Variants in CACNA1A observed in about 807,000 individuals in gnomAD.
CACNA1A encodes the protein calcium voltage-gated channel subunit alpha1 A, also known as voltage-dependent P/Q-type calcium channel subunit alpha-1A.
CACNA1A carries 57 observed loss-of-function variants against 262.4 expected under a neutral mutation model. That is an observed-to-expected ratio of 0.22 (90% CI 0.18 to 0.27). The LOEUF is 0.27. Among genes scored for constraint, CACNA1A ranks in the 10% least tolerant of loss-of-function variants. The pLI, the probability that CACNA1A is intolerant of heterozygous loss-of-function variation, is 1.00. For synonymous variants in CACNA1A, 1,431 were observed against 1,419.3 expected, an observed-to-expected ratio of 1.01 and a Z score of -0.18; for missense variants, 2,526 against 3,562.8, an observed-to-expected ratio of 0.71 and a Z score of 7.41.
At chr19:13,476,461 A>G (rs1428875969) in intron 1 of CACNA1A, among the ~76,000 whole-genome samples, 1 of 152,176 alleles carries the variant, frequency 6.6e-6, no homozygotes, top group Non-Finnish European at 1.5e-5. Flanking sequence ...TCTGTGCATG[A>G]ATGCATTGAG....
At chr19:13,486,199 T>C (rs1435879681) in intron 1 of CACNA1A, among the ~76,000 whole-genome samples, 4 of 152,194 alleles carry the variant, frequency 2.6e-5, no homozygotes, top group South Asian at 4.1e-4. Flanking sequence ...CAATCTCCAA[T>C]AGTGGTTCCT....
intron 23 of CACNA1A, 90 bp from the exon 24 acceptor site, chr19:13,276,046 C>CT: frequency 2.5e-6 from 2 of 788,082 alleles, no homozygotes; most frequent in Non-Finnish European, 4.2e-6. Flanking sequence ...CGGGGAGAGG[C>CT]AGGGAAGCCA....
chr19:13,281,771 C>T lies in CACNA1A; in HGVS notation c.3822+1496G>A, dbSNP rs532260142. 3.3e-5 allele frequency among the ~76,000 whole-genome samples: 5 copies of T among 152,320 alleles called. No homozygotes were observed. In the South Asian group the frequency reaches 1.0e-3, roughly 32 times the overall value. On this transcript the variant is annotated intron_variant, in intron 22 of 46. Coordinates refer to ENST00000360228, the MANE Select transcript of CACNA1A (RefSeq NM_001127222.2). ...TTACGTGGTGTGAACGTTATGGGGCCACAGTGTTCTTGTAGAGAAGTTTCG... is the reference window on the plus strand; with the variant it reads ...TTACGTGGTGTGAACGTTATGGGGCTACAGTGTTCTTGTAGAGAAGTTTCG...
chr19:13,247,840 GC>G (rs2056290402), intron 30 of CACNA1A, among the ~76,000 whole-genome samples: 1 of 152,168 alleles, frequency 6.6e-6, no homozygotes, highest in Non-Finnish European at 1.5e-5. Flanking sequence ...ACACTACTTT[GC>G]CCAGGGTCTC....
rs766668908 is a variant in CACNA1A, at chr19:13,299,131, G to A, written c.2502C>T (p.Asn834=). 1.2e-6 allele frequency: 2 copies of A among 1,613,000 alleles called. No individual in the cohort carries two copies. The highest frequency in any genetic ancestry group is 1.1e-5 in the South Asian group (1 of 91,080). ...VVDPQENRNN[N]TNKSRAAEPT... ...GCTCGGCCGCCCGGCTCTTGTTGGT[G>A]TTGTTGTTGCGGTTCTCCTGCGGGT... Residue 834 remains asparagine (N), a synonymous_variant, in exon 19 of 47, where the codon AAC becomes AAT. Coordinates refer to ENST00000360228, the MANE Select transcript of CACNA1A (RefSeq NM_001127222.2).
chr19:13,331,246 C>CT (rs1297035047), intron 9 of CACNA1A, among the ~76,000 whole-genome samples: 1 of 151,920 alleles, frequency 6.6e-6, no homozygotes, highest in East Asian at 1.9e-4. Flanking sequence ...AGCTTTCTTT[C>CT]TTTTTTTTGA....
intron 3 of CACNA1A, among the ~76,000 whole-genome samples, chr19:13,441,057 C>G (rs1304927685): frequency 6.6e-6 from 1 of 152,202 alleles, no homozygotes; most frequent in East Asian, 1.9e-4. Context: ...AAGCGATTCA[C>G]CCACCTTGGC....
At chr19:13,383,145 T>C (rs986828151) in intron 3 of CACNA1A, among the ~76,000 whole-genome samples, 1 of 152,202 alleles carries the variant, frequency 6.6e-6, no homozygotes, top group African/African-American at 2.4e-5. Context: ...GCACGTACTA[T>C]GTGCCAGATA....
At position 13,206,987 on chromosome 19, in the gene CACNA1A, G is replaced by GTTCTCCA. The variant is rs1228306808; in HGVS notation, c.*319_*325dup. On this transcript the variant is annotated 3_prime_UTR_variant, in exon 47 of 47. Transcript: ENST00000360228. The stretch of plus-strand genomic sequence containing the variant: ...TTTTTTTTTTTTCATGTTCCCCAAA[G>GTTCTCCA]TTCTCCAAAAATGGCTGAGTTAATT... 7.7e-5 allele frequency: 7 copies of GTTCTCCA among 90,412 alleles called. No individual in the cohort carries two copies. The highest frequency in any genetic ancestry group is 3.1e-4 in the African/African-American group (7 of 22,398). 5.6% of individuals were successfully genotyped at this position (90,412 alleles called of 1,614,324 possible). A position where few individuals can be genotyped will look rare whatever the true frequency, so the allele number is the denominator to read the frequency against.
chr19:13,237,845 C>T (rs2055927751), intron 31 of CACNA1A, among the ~76,000 whole-genome samples: 2 of 152,202 alleles, frequency 1.3e-5, no homozygotes, highest in Admixed American at 6.5e-5. Context: ...AGCCCCCTCC[C>T]GTTCAACCCC....
At chr19:13,311,101 T>C (rs898226261) in intron 12 of CACNA1A, among the ~76,000 whole-genome samples, 3 of 152,114 alleles carry the variant, frequency 2.0e-5, no homozygotes, top group African/African-American at 7.2e-5. Context: ...CCTACTTTTA[T>C]TTCTTAGAGA....
rs1170388497 is a variant in CACNA1A at position 13,464,543 on chromosome 19, A to ATTGTTT, written c.294-9332_294-9331insAAACAA. On this transcript the variant is annotated intron_variant, in intron 1 of 46. Transcript: ENST00000360228. ...CTGCTAATAGTAAATAACTTTTCCAATTTTTTTTTTTTTTTTTTTTTTAGA... is the reference window on the plus strand; with the variant it reads ...CTGCTAATAGTAAATAACTTTTCCAATTGTTTTTTTTTTTTTTTTTTTTTTTTTAGA... Among the ~76,000 whole-genome samples, 14 of 128,952 alleles carry ATTGTTT rather than the reference A, an allele frequency of 1.1e-4. 1 individual carries two copies. The East Asian group carries it at 3.2e-3, about 30-fold the overall frequency. 84.6% of individuals were successfully genotyped at this position (128,952 alleles called of 152,430 possible).
At chr19:13,500,393 C>CCCA (rs1982236566) in intron 1 of CACNA1A, among the ~76,000 whole-genome samples, 1 of 152,116 alleles carries the variant, frequency 6.6e-6, no homozygotes, top group Non-Finnish European at 1.5e-5. Context: ...CCAAGAGAAC[C>CCCA]CCTTCTTTCT....
At chr19:13,253,176 G>T in intron 29 of CACNA1A, 75 bp from the exon 30 acceptor site, 1 of 903,020 alleles carries the variant, frequency 1.1e-6, no homozygotes, top group Non-Finnish European at 1.8e-6. Flanking sequence ...GCAGCTTCAT[G>T]GCTGTTCTCC....
chr19:13,227,397 G>T, intron 37 of CACNA1A, 34 bp downstream of exon 37: 8 of 1,107,444 alleles, frequency 7.2e-6, no homozygotes, highest in Non-Finnish European at 1.1e-5. Context: ...AAAACCCAGT[G>T]CCTGGACGTC....
chr19:13,211,173 C>G (rs1012941774), intron 43 of CACNA1A: 3 of 168,886 alleles, frequency 1.8e-5, no homozygotes, highest in African/African-American at 7.2e-5. Context: ...TCAGGTGACC[C>G]TGGTCCAGCC....
Position 13,334,505 on chromosome 19 carries a change from T to C in CACNA1A, c.1083-12A>G, listed in dbSNP as rs762365528. 4 of 1,495,844 alleles carry C rather than the reference T, an allele frequency of 2.7e-6. No individual in the cohort carries two copies. The highest frequency in any genetic ancestry group is 3.3e-5 in the Admixed American group (2 of 59,800). The allele number at this position is 1,495,844 out of a possible 1,614,324, so 92.7% of individuals were successfully genotyped here. On this transcript the variant is annotated splice_polypyrimidine_tract_variant and intron_variant, in intron 7 of 46. Coordinates refer to ENST00000360228, the MANE Select transcript of CACNA1A (RefSeq NM_001127222.2). ...CTTTGGCAAACTCCCTGGAGAAGCA[T>C]AGAAAAGCCAGAGTATGGCTGTTTT...
chr19:13,499,066 G>T (rs988788923), intron 1 of CACNA1A, among the ~76,000 whole-genome samples: 2 of 151,998 alleles, frequency 1.3e-5, no homozygotes, highest in Admixed American at 6.5e-5. Context: ...GAAGGGGAGG[G>T]GGGTACCTAA....
At chr19:13,358,485 T>C (rs1232642081) in intron 6 of CACNA1A, among the ~76,000 whole-genome samples, 4 of 152,174 alleles carry the variant, frequency 2.6e-5, no homozygotes, top group Non-Finnish European at 5.9e-5. Flanking sequence ...AACGTGTGGT[T>C]ATGAGAAAAC....
Sources: gnomAD v4.1 joint callset for allele counts (sites outside exome capture counted in the v4.1 genomes callset) on GRCh38, gnomAD v4.1.1 for gene constraint, MANE v1.5 for transcripts, NCBI Gene and HGNC (gene_info 2026-07-23, HGNC 2026-07-21) for gene names.